Variants in GALNT13 observed in about 807,000 individuals in gnomAD.
The protein encoded by GALNT13 is polypeptide N-acetylgalactosaminyltransferase 13.
In GALNT13, 28 loss-of-function variants were observed where a neutral mutation model predicts 64.2. That is an observed-to-expected ratio of 0.44 (90% CI 0.32 to 0.60). The LOEUF (loss-of-function observed/expected upper bound fraction) is 0.60. Among genes scored for constraint, GALNT13 ranks in the 20% least tolerant of loss-of-function variants. GALNT13 has a pLI of 0.05. For missense variants in GALNT13, 577 were observed against 669.8 expected, an observed-to-expected ratio of 0.86 and a Z score of 1.53; for synonymous variants, 214 against 224.6, an observed-to-expected ratio of 0.95 and a Z score of 0.42.
intron 3 of GALNT13, among the ~76,000 whole-genome samples, chr2:154,031,631 A>G (rs186081290): frequency 1.9e-4 from 29 of 152,136 alleles, no homozygotes; most frequent in African/African-American, 6.5e-4. Flanking sequence ...ACTTTAAATA[A>G]CATATATTAA....
At chr2:154,043,415 TATATATATATATATATATATA>T (rs1412362913) in intron 3 of GALNT13, among the ~76,000 whole-genome samples, 10 of 83,642 alleles carry the variant, frequency 1.2e-4, no homozygotes, top group Admixed American at 2.8e-4. Context: ...TAAGGACTTT[TATATATATATATATATATATA>T]TATATATATA....
At chr2:154,261,270 A>C (rs2105905066) in intron 8 of GALNT13, among the ~76,000 whole-genome samples, 1 of 152,328 alleles carries the variant, frequency 6.6e-6, no homozygotes, top group African/African-American at 2.4e-5. Flanking sequence ...ATTAGGAAAT[A>C]AAATACTTAT....
At chr2:153,954,846 G>A (rs35391597) in intron 3 of GALNT13, among the ~76,000 whole-genome samples, 27,767 of 151,896 alleles carry the variant, frequency 0.18, 3,351 homozygotes, top group Non-Finnish European at 0.26. Flanking sequence ...ATGTTGAAAC[G>A]GTAGACTGTG....
At chr2:154,138,919 T>C (rs1216292746) in intron 3 of GALNT13, among the ~76,000 whole-genome samples, 1 of 152,106 alleles carries the variant, frequency 6.6e-6, no homozygotes. Context: ...CCATTGTTTC[T>C]ATTTTTGCTT....
At chr2:153,854,734 A>G in the GALNT13 span, among the ~76,000 whole-genome samples, 1 of 152,182 alleles carries the variant, frequency 6.6e-6, no homozygotes, top group Non-Finnish European at 1.5e-5. Context: ...TAAAGATATC[A>G]ACTCTCCACA....
At chr2:154,020,272 C>G (rs1434574546) in intron 3 of GALNT13, among the ~76,000 whole-genome samples, 2 of 152,146 alleles carry the variant, frequency 1.3e-5, no homozygotes, top group Non-Finnish European at 2.9e-5. Context: ...GAGGAATCGC[C>G]ACACCGACTT....
chr2:153,307,434 T>C, the GALNT13 span, among the ~76,000 whole-genome samples: 1 of 152,144 alleles, frequency 6.6e-6, no homozygotes, highest in Non-Finnish European at 1.5e-5. Flanking sequence ...AATTGCGCAA[T>C]AGTAAATAAA....
At chr2:153,903,083 AC>A (rs1688337453) in intron 2 of GALNT13, among the ~76,000 whole-genome samples, 1 of 152,028 alleles carries the variant, frequency 6.6e-6, no homozygotes, top group South Asian at 2.1e-4. Context: ...GGAGAAATGT[AC>A]CTTATGGTTA....
At chr2:153,923,348 G>C (rs1347922297) in intron 2 of GALNT13, among the ~76,000 whole-genome samples, 1 of 152,158 alleles carries the variant, frequency 6.6e-6, no homozygotes, top group South Asian at 2.1e-4. Flanking sequence ...TTGCTGTTCT[G>C]CTGGATTAAT....
chr2:153,630,687 T>A, the GALNT13 span, among the ~76,000 whole-genome samples: 83 of 122,810 alleles, frequency 6.8e-4, no homozygotes, highest in Non-Finnish European at 1.2e-3. Flanking sequence ...TTAAAAAAAA[T>A]TAAAAAAAAT....
the GALNT13 span, among the ~76,000 whole-genome samples, chr2:153,090,203 G>T: frequency 6.6e-6 from 1 of 152,138 alleles, no homozygotes; most frequent in African/African-American, 2.4e-5. Flanking sequence ...GAGCTAGACT[G>T]CAGGGATTGT....
At chr2:153,432,047 AT>A in the GALNT13 span, among the ~76,000 whole-genome samples, 1 of 152,220 alleles carries the variant, frequency 6.6e-6, no homozygotes, top group East Asian at 1.9e-4. Flanking sequence ...TAAATAATTA[AT>A]TTTTTTGTTT....
At chr2:154,258,413 T>G (rs10175897) in intron 7 of GALNT13, among the ~76,000 whole-genome samples, 110,117 of 151,820 alleles carry the variant, frequency 0.73, 40,366 homozygotes, top group East Asian at 0.86. Flanking sequence ...ATATATGTTT[T>G]TCCATAGAAT....
At chr2:153,116,794 CTTTTTTTTTTTT>C in the GALNT13 span, among the ~76,000 whole-genome samples, 5 of 82,466 alleles carry the variant, frequency 6.1e-5, no homozygotes, top group South Asian at 1.1e-3. Context: ...GTGTTGTCTT[CTTTTTTTTTTTT>C]TTTTTTTTTT....
the GALNT13 span, among the ~76,000 whole-genome samples, chr2:153,073,829 A>C: frequency 0.035 from 5,340 of 152,270 alleles, 196 homozygotes; most frequent in East Asian, 0.17. Flanking sequence ...ATGTTGCTTA[A>C]ATCTTTAATC....
chr2:153,631,805 A>C, the GALNT13 span, among the ~76,000 whole-genome samples: 1 of 152,064 alleles, frequency 6.6e-6, no homozygotes, highest in African/African-American at 2.4e-5. Context: ...GAAGCTCTTT[A>C]GTTTAATTAG....
intron 9 of GALNT13, 115 bp downstream of exon 9, chr2:154,301,704 A>G: frequency 1.5e-6 from 1 of 680,506 alleles, no homozygotes; most frequent in Non-Finnish European, 2.4e-6. Flanking sequence ...TTATTACCAT[A>G]ATATTGCAGA....
chr2:154,414,504 TA>T (rs1293464221), intron 11 of GALNT13, among the ~76,000 whole-genome samples: 2 of 49,562 alleles, frequency 4.0e-5, no homozygotes, highest in African/African-American at 2.0e-4. Context: ...CCCTGTGTAT[TA>T]TATTTTTTTT....
intron 4 of GALNT13, among the ~76,000 whole-genome samples, chr2:154,193,415 G>C (rs188917577): frequency 4.6e-5 from 7 of 152,146 alleles, no homozygotes; most frequent in Non-Finnish European, 8.8e-5. Flanking sequence ...CTCTCCTTGG[G>C]GGGCAGTAGA....
Sources: gnomAD v4.1 joint callset for allele counts (sites outside exome capture counted in the v4.1 genomes callset) on GRCh38, gnomAD v4.1.1 for gene constraint, MANE v1.5 for transcripts, NCBI Gene and HGNC (gene_info 2026-07-23, HGNC 2026-07-21) for gene names.